Variants in LRP1B observed in about 807,000 individuals in gnomAD.
LRP1B encodes the protein low-density lipoprotein receptor-related protein 1B.
A neutral mutation model predicts 556.6 loss-of-function variants in LRP1B; 217 were observed. That is an observed-to-expected ratio of 0.39 (90% CI 0.35 to 0.44). The LOEUF (loss-of-function observed/expected upper bound fraction) is 0.44. LRP1B is among the 20% of genes least tolerant of loss of function. LRP1B has a pLI of 1.00. For synonymous variants in LRP1B, 2,047 were observed against 1,865.8 expected (o/e 1.10, Z -2.50); for missense variants, 5,053 against 5,620.8 (o/e 0.90, Z 3.23).
chr2:141,288,238 C>CA (rs11302978), intron 3 of LRP1B, among the ~76,000 whole-genome samples: 24,855 of 145,600 alleles, frequency 0.17, 2,112 homozygotes, highest in South Asian at 0.27. Context: ...GGAATAATAA[C>CA]AAAAAAAAAA....
At chr2:142,062,560 G>A (rs1038239379) in intron 1 of LRP1B, among the ~76,000 whole-genome samples, 1 of 151,478 alleles carries the variant, frequency 6.6e-6, no homozygotes, top group African/African-American at 2.4e-5. Flanking sequence ...TTGCTTTTCG[G>A]CAGCATGATT....
intron 66 of LRP1B, among the ~76,000 whole-genome samples, chr2:140,419,464 A>G (rs991649944): frequency 6.6e-6 from 1 of 152,198 alleles, no homozygotes; most frequent in Non-Finnish European, 1.5e-5. Flanking sequence ...GTTATCATTG[A>G]AATGTATAGA....
At chr2:141,880,904 C>T (rs1388388897) in intron 1 of LRP1B, among the ~76,000 whole-genome samples, 2 of 151,908 alleles carry the variant, frequency 1.3e-5, no homozygotes, top group Non-Finnish European at 2.9e-5. Flanking sequence ...TCAGTCTGAA[C>T]AGACTGAAGT....
intron 82 of LRP1B, among the ~76,000 whole-genome samples, chr2:140,317,403 G>C (rs1684570662): frequency 6.6e-6 from 1 of 152,022 alleles, no homozygotes; most frequent in Non-Finnish European, 1.5e-5. Context: ...AATCACAGCA[G>C]TGTTATGTAA....
chr2:141,663,920 C>CAAAAAAAAAAA (rs796406816), intron 2 of LRP1B, among the ~76,000 whole-genome samples: 3 of 113,306 alleles, frequency 2.6e-5, no homozygotes, highest in East Asian at 2.9e-4. Context: ...AGAGATACAT[C>CAAAAAAAAAAA]AAAAAAAAAA....
intron 87 of LRP1B, among the ~76,000 whole-genome samples, chr2:140,243,220 T>G (rs2104891809): frequency 6.6e-6 from 1 of 151,222 alleles, no homozygotes; most frequent in East Asian, 2.0e-4. Context: ...AAATCAATAT[T>G]GAGCATAGGA....
At chr2:141,034,920 C>T (rs565989904) in intron 11 of LRP1B, among the ~76,000 whole-genome samples, 13 of 151,964 alleles carry the variant, frequency 8.6e-5, no homozygotes, top group East Asian at 3.9e-4. Flanking sequence ...ATGTTTATTG[C>T]GGCACTATTC....
At chr2:141,413,293 C>A (rs149612960) in intron 3 of LRP1B, among the ~76,000 whole-genome samples, 51 of 152,204 alleles carry the variant, frequency 3.4e-4, no homozygotes, top group African/African-American at 1.1e-3. Context: ...TTGGGCTTTA[C>A]AAGTCCTTAA....
chr2:141,296,311 CTGTT>C (rs72166935), intron 3 of LRP1B, among the ~76,000 whole-genome samples: 1,742 of 152,308 alleles, frequency 0.011, 30 homozygotes, highest in African/African-American at 0.039. Context: ...TATTCAATAT[CTGTT>C]TTAGTCTTCA....
chr2:141,397,401 C>A (rs16846000), intron 3 of LRP1B, among the ~76,000 whole-genome samples: 2,893 of 151,640 alleles, frequency 0.019, 96 homozygotes, highest in African/African-American at 0.065. Context: ...TATGTATCCA[C>A]CCTTAATACC....
chr2:141,601,856 C>T (rs951894853), intron 2 of LRP1B, among the ~76,000 whole-genome samples: 8 of 152,126 alleles, frequency 5.3e-5, no homozygotes, highest in Non-Finnish European at 1.0e-4. Context: ...GCCCACTCAG[C>T]TTCCCAGAGT....
At chr2:140,738,655 C>T (rs1457760512) in intron 35 of LRP1B, among the ~76,000 whole-genome samples, 1 of 152,144 alleles carries the variant, frequency 6.6e-6, no homozygotes, top group South Asian at 2.1e-4. Context: ...TAGAATTACT[C>T]TGCTAAAATT....
chr2:140,797,072 C>A (rs1690341496), intron 32 of LRP1B, among the ~76,000 whole-genome samples: 1 of 151,836 alleles, frequency 6.6e-6, no homozygotes, highest in South Asian at 2.1e-4. Context: ...ATGTTTCAAT[C>A]CCTGAGACAG....
chr2:140,858,760 G>T (rs532194641), intron 27 of LRP1B, among the ~76,000 whole-genome samples: 3 of 151,970 alleles, frequency 2.0e-5, no homozygotes, highest in Admixed American at 6.6e-5. Context: ...ACAGGCCCCA[G>T]TGTGTGTTGT....
At chr2:141,475,734 A>T (rs1396321289) in intron 3 of LRP1B, among the ~76,000 whole-genome samples, 1 of 151,810 alleles carries the variant, frequency 6.6e-6, no homozygotes, top group Non-Finnish European at 1.5e-5. Context: ...GCGACGGAGC[A>T]TCTGAATGTC....
Position 140,701,927 on chromosome 2 carries a change from T to A in LRP1B, c.6303-82A>T. 1.9e-6 allele frequency: 3 copies of A among 1,550,862 alleles called. No homozygotes were observed. The South Asian group carries it at 3.5e-5, about 18-fold the overall frequency. On this transcript the variant is annotated intron_variant, in intron 39 of 90. Transcript: ENST00000389484. ...AGTTACTTAAGCTGAAGATAACAGA[T>A]GGACCAACAGAAGGGAAAGAAACCA... is the stretch of plus-strand genomic sequence containing the variant.
chr2:140,953,622 C>T (rs1695785654), intron 18 of LRP1B, among the ~76,000 whole-genome samples: 2 of 152,176 alleles, frequency 1.3e-5, no homozygotes, highest in South Asian at 4.1e-4. Context: ...ATTCAAACTT[C>T]TCCAGCCAAA....
chr2:141,432,296 G>T (rs1368106219), intron 3 of LRP1B, among the ~76,000 whole-genome samples: 1 of 151,848 alleles, frequency 6.6e-6, no homozygotes, highest in Non-Finnish European at 1.5e-5. Context: ...ATCCCATTTG[G>T]TCCTGGTATA....
At chr2:141,191,507 G>A (rs186393368) in intron 6 of LRP1B, among the ~76,000 whole-genome samples, 30 of 152,028 alleles carry the variant, frequency 2.0e-4, no homozygotes, top group Admixed American at 1.8e-3. Flanking sequence ...AAACAAGGTA[G>A]AGAAGGCAGA....
Sources: gnomAD v4.1 joint callset for allele counts (sites outside exome capture counted in the v4.1 genomes callset) on GRCh38, gnomAD v4.1.1 for gene constraint, MANE v1.5 for transcripts, NCBI Gene and HGNC (gene_info 2026-07-23, HGNC 2026-07-21) for gene names.